Variants in ADAMTS18 observed in about 807,000 individuals in gnomAD.
ADAMTS18 encodes the protein A disintegrin and metalloproteinase with thrombospondin motifs 18.
ADAMTS18 carries 157 observed loss-of-function variants against 165.9 expected under a neutral mutation model. That is an observed-to-expected ratio of 0.95 (90% CI 0.83 to 1.08). The LOEUF (loss-of-function observed/expected upper bound fraction) is 1.08. Ranked by LOEUF, ADAMTS18 falls within the 50% of genes least tolerant of loss-of-function variation. The pLI is 0.00. For synonymous variants in ADAMTS18, 782 were observed against 578.2 expected (o/e 1.35, Z -5.06); for missense variants, 2,040 against 1,534.0 (o/e 1.33, Z -5.51).
rs917258252 is a variant in ADAMTS18 at position 77,299,523 on chromosome 16, G to A, written c.2674+740C>T. Among the ~76,000 whole-genome samples, 5 of 152,170 alleles carry A rather than the reference G, an allele frequency of 3.3e-5. No homozygotes were observed. The East Asian group carries it at 9.6e-4, about 29-fold the overall frequency. ...TATTATGCTTAGTGGGATGGAACCA[G>A]TAGGAAGTCTCACTGTCACCAGGTG... On this transcript the variant is annotated intron_variant, in intron 17 of 22. Transcript: ENST00000282849.
intron 22 of ADAMTS18, 117 bp downstream of exon 22, chr16:77,289,147 G>C: frequency 7.5e-7 from 1 of 1,330,574 alleles, no homozygotes. Context: ...CATAGACTTC[G>C]GGTGAATGGC....
rs540864313 is a variant in ADAMTS18 at position 77,368,549 on chromosome 16, G to A, written c.496-826C>T. ...CCTACTGGTCTCAAGCAATCCTCCT[G>A]CCTCAGCCTCCTGAATAGCTGGGAC... On this transcript the variant is annotated intron_variant, in intron 3 of 22. Coordinates refer to ENST00000282849, the MANE Select transcript of ADAMTS18 (RefSeq NM_199355.4). 2.7e-5 allele frequency among the ~76,000 whole-genome samples: 4 copies of A among 149,080 alleles called. No individual in the cohort carries two copies. The South Asian group carries it at 8.4e-4, about 31-fold the overall frequency.
chr16:77,425,731 T>C (rs1184122451), intron 3 of ADAMTS18, among the ~76,000 whole-genome samples: 1 of 152,106 alleles, frequency 6.6e-6, no homozygotes, highest in Non-Finnish European at 1.5e-5. Context: ...AAGATGTTGA[T>C]GGAAGTGTGG....
intron 4 of ADAMTS18, 149 bp downstream of exon 4, chr16:77,367,292 G>T: frequency 1.2e-6 from 1 of 819,084 alleles, no homozygotes; most frequent in Non-Finnish European, 2.0e-6. Flanking sequence ...TCCAGCATTT[G>T]CCTGAGAGAG....
At chr16:77,289,526 T>C in intron 21 of ADAMTS18, 115 bp from the exon 22 acceptor site, 1 of 1,264,778 alleles carries the variant, frequency 7.9e-7, no homozygotes, top group Non-Finnish European at 1.1e-6. Context: ...ATGAAACAGA[T>C]TGGCTGGAGC....
At chr16:77,408,739 T>A (rs938213840) in intron 3 of ADAMTS18, among the ~76,000 whole-genome samples, 2 of 152,128 alleles carry the variant, frequency 1.3e-5, no homozygotes, top group African/African-American at 4.8e-5. Flanking sequence ...AGTGAAGGCT[T>A]TTGCAATGAT....
chr16:77,420,155 G>A (rs1230091926), intron 3 of ADAMTS18, among the ~76,000 whole-genome samples: 3 of 149,652 alleles, frequency 2.0e-5, no homozygotes, highest in Non-Finnish European at 4.4e-5. Context: ...TTTCCCAAAG[G>A]TGGGTGAAGG....
chr16:77,340,754 G>C (rs966381940), intron 11 of ADAMTS18, among the ~76,000 whole-genome samples: 2 of 151,906 alleles, frequency 1.3e-5, no homozygotes, highest in Non-Finnish European at 2.9e-5. Context: ...TTAAGCTTTT[G>C]TAGAGATAGG....
chr16:77,330,343 T>C (rs1024345050), intron 12 of ADAMTS18, among the ~76,000 whole-genome samples: 1 of 152,156 alleles, frequency 6.6e-6, no homozygotes, highest in Admixed American at 6.6e-5. Context: ...TAGGATCCCT[T>C]ATGGGGTGAT....
intron 3 of ADAMTS18, among the ~76,000 whole-genome samples, chr16:77,428,124 C>T (rs1439899577): frequency 6.6e-6 from 1 of 152,144 alleles, no homozygotes; most frequent in Non-Finnish European, 1.5e-5. Context: ...AGTGGTCTGG[C>T]CCCACTCAGA....
At position 77,377,270 on chromosome 16, in the gene ADAMTS18, C is replaced by G. The variant is rs117972016; in HGVS notation, c.496-9547G>C. The stretch of plus-strand genomic sequence containing the variant: ...AACAGAAAAAGGGAGACTGCAGCCT[C>G]CAGATGTAACTGACAAATTCAGTGT... On this transcript the variant is annotated intron_variant, in intron 3 of 22. Transcript: ENST00000282849. 6.3e-3 allele frequency among the ~76,000 whole-genome samples: 954 copies of G among 152,286 alleles called. 3 individuals carry two copies. The highest frequency in any genetic ancestry group is 0.01 in the Non-Finnish European group (710 of 68,026).
intron 3 of ADAMTS18, among the ~76,000 whole-genome samples, chr16:77,417,217 C>T (rs1047571797): frequency 2.0e-5 from 3 of 151,842 alleles, no homozygotes; most frequent in Non-Finnish European, 2.9e-5. Flanking sequence ...TGAAGACATA[C>T]AGTAGGCTGA....
chr16:77,426,701 A>G (rs1426997922), intron 3 of ADAMTS18, among the ~76,000 whole-genome samples: 3 of 152,324 alleles, frequency 2.0e-5, no homozygotes, highest in Non-Finnish European at 1.5e-5. Context: ...AGTGCCTGAC[A>G]CACTAGAGGC....
At chr16:77,333,137 G>C (rs1362671546) in intron 12 of ADAMTS18, among the ~76,000 whole-genome samples, 1 of 152,136 alleles carries the variant, frequency 6.6e-6, no homozygotes, top group African/African-American at 2.4e-5. Context: ...GATCATCACA[G>C]TCCCGTAGAG....
rs575761589 is a variant in ADAMTS18, at chr16:77,326,147, G to A, written c.1860-109C>T. 37 of 1,052,588 alleles carry A rather than the reference G, an allele frequency of 3.5e-5. No homozygotes were observed. The African/African-American group carries it at 5.2e-4, about 15-fold the overall frequency. The allele number at this position is 1,052,588 out of a possible 1,614,324, so 65.2% of individuals were successfully genotyped here. A position where few individuals can be genotyped will look rare whatever the true frequency, so the allele number is the denominator to read the frequency against. ...GAAGATGAGCACTGCCACAGTGTATGCAAAGGCATACAGTCTATTACAGGA... is the reference window on the plus strand; with the variant it reads ...GAAGATGAGCACTGCCACAGTGTATACAAAGGCATACAGTCTATTACAGGA... On this transcript the variant is annotated intron_variant, in intron 12 of 22. Transcript: ENST00000282849.
chr16:77,407,001 C>T (rs2057401175), intron 3 of ADAMTS18, among the ~76,000 whole-genome samples: 1 of 151,946 alleles, frequency 6.6e-6, no homozygotes, highest in Admixed American at 6.6e-5. Context: ...CTGCTCACTA[C>T]CTGGGTGACA....
intron 16 of ADAMTS18, among the ~76,000 whole-genome samples, chr16:77,313,139 T>C (rs1419867441): frequency 6.6e-6 from 1 of 152,114 alleles, no homozygotes; most frequent in Non-Finnish European, 1.5e-5. Context: ...TTCATGTCCT[T>C]TGCAGGAACA....
chr16:77,391,804 C>T (rs745719855), intron 3 of ADAMTS18, among the ~76,000 whole-genome samples: 2 of 151,920 alleles, frequency 1.3e-5, no homozygotes, highest in Non-Finnish European at 2.9e-5. Context: ...GCAAGGGGAC[C>T]CAGGAATTCA....
intron 10 of ADAMTS18, among the ~76,000 whole-genome samples, chr16:77,343,182 C>T (rs2056425751): frequency 6.6e-6 from 1 of 151,554 alleles, no homozygotes. Context: ...AAGCAATTAT[C>T]CCTGCCTCAG....
Sources: gnomAD v4.1 joint callset for allele counts (sites outside exome capture counted in the v4.1 genomes callset) on GRCh38, gnomAD v4.1.1 for gene constraint, MANE v1.5 for transcripts, NCBI Gene and HGNC (gene_info 2026-07-23, HGNC 2026-07-21) for gene names.